DAB1: variants seen among roughly 807,000 people sequenced by gnomAD.
DAB1 encodes the protein DAB adaptor protein 1, also known as disabled homolog 1.
DAB1 carries 15 observed loss-of-function variants against 64.6 expected under a neutral mutation model. The observed-to-expected ratio is 0.23, with a 90% CI of 0.16 to 0.36. The LOEUF (loss-of-function observed/expected upper bound fraction) is 0.36. DAB1 is among the 10% of genes least tolerant of loss of function. The pLI is 1.00. For synonymous variants in DAB1, 235 were observed against 251.9 expected (o/e 0.93, Z 0.64); for missense variants, 596 against 706.7 (o/e 0.84, Z 1.78).
intron 7 of DAB1, among the ~76,000 whole-genome samples, chr1:57,435,417 T>C (rs1452017334): frequency 6.6e-6 from 1 of 152,234 alleles, no homozygotes; most frequent in Non-Finnish European, 1.5e-5. Context: ...CATAAACTTT[T>C]GAATTTTTTT....
intron 6 of DAB1, among the ~76,000 whole-genome samples, chr1:57,659,488 C>A (rs1646359279): frequency 6.6e-6 from 1 of 152,128 alleles, no homozygotes; most frequent in African/African-American, 2.4e-5. Context: ...GAGTGGTTGA[C>A]AAGCTTTGGG....
At chr1:57,492,124 A>T (rs1644173057) in intron 7 of DAB1, among the ~76,000 whole-genome samples, 1 of 152,214 alleles carries the variant, frequency 6.6e-6, no homozygotes, top group African/African-American at 2.4e-5. Context: ...CAGTTGACAA[A>T]GAAAAGACAT....
chr1:57,649,530 A>G (rs1024409240), intron 7 of DAB1: 1 of 152,098 alleles, frequency 6.6e-6, no homozygotes, highest in African/African-American at 2.4e-5. Context: ...TTTGTGGGAA[A>G]TTTTCCCAAA....
At chr1:58,409,254 A>T (rs1010113705) in intron 3 of DAB1, among the ~76,000 whole-genome samples, 1 of 152,196 alleles carries the variant, frequency 6.6e-6, no homozygotes, top group Non-Finnish European at 1.5e-5. Context: ...CATTCCAAGG[A>T]GGCATTTACT....
chr1:58,293,734 A>G (rs1158204096), intron 4 of DAB1, among the ~76,000 whole-genome samples: 1 of 152,238 alleles, frequency 6.6e-6, no homozygotes, highest in African/African-American at 2.4e-5. Flanking sequence ...GCCAACAGGC[A>G]GAAGCCATAA....
chr1:57,118,085 T>C (rs1245691861), intron 4 of DAB1, among the ~76,000 whole-genome samples: 2 of 152,196 alleles, frequency 1.3e-5, no homozygotes, highest in African/African-American at 2.4e-5. Context: ...ACAAGACATA[T>C]AGGTATAAGC....
At chr1:58,462,143 G>A (rs1330209461) in intron 3 of DAB1, among the ~76,000 whole-genome samples, 45 of 131,410 alleles carry the variant, frequency 3.4e-4, no homozygotes, top group African/African-American at 9.2e-4. Context: ...TTTTTGAGAC[G>A]GAGTCTCGCT....
At chr1:57,653,840 A>C (rs1646284811) in intron 6 of DAB1, among the ~76,000 whole-genome samples, 1 of 152,022 alleles carries the variant, frequency 6.6e-6, no homozygotes, top group Admixed American at 6.6e-5. Flanking sequence ...TCAACTCCTG[A>C]CCTCAAGTGA....
At chr1:57,524,246 G>A (rs1644564887) in intron 7 of DAB1, among the ~76,000 whole-genome samples, 1 of 152,048 alleles carries the variant, frequency 6.6e-6, no homozygotes, top group African/African-American at 2.4e-5. Flanking sequence ...TGGAACTACA[G>A]ACATAAGTTT....
intron 4 of DAB1, among the ~76,000 whole-genome samples, chr1:58,175,883 C>T (rs528248975): frequency 2.0e-5 from 3 of 152,212 alleles, no homozygotes; most frequent in Admixed American, 2.0e-4. Flanking sequence ...CCCACAGATG[C>T]GTCTATATGT....
At chr1:57,526,435 A>G (rs759261194) in intron 7 of DAB1, among the ~76,000 whole-genome samples, 1 of 152,162 alleles carries the variant, frequency 6.6e-6, no homozygotes, top group Non-Finnish European at 1.5e-5. Flanking sequence ...GGACTTTCCA[A>G]TGGAAAATTA....
At chr1:57,082,800 T>C (rs1485335865) in intron 4 of DAB1, among the ~76,000 whole-genome samples, 2 of 152,196 alleles carry the variant, frequency 1.3e-5, no homozygotes, top group African/African-American at 4.8e-5. Context: ...GTTCCTGTGT[T>C]AGTTTGCCGA....
intron 9 of DAB1, among the ~76,000 whole-genome samples, chr1:57,027,064 G>C (rs1483990968): frequency 6.6e-6 from 1 of 152,146 alleles, no homozygotes; most frequent in East Asian, 1.9e-4. Flanking sequence ...GAGTCCGACT[G>C]CCCTGCCACA....
At chr1:57,392,600 T>A (rs2101005904) in intron 1 of DAB1, among the ~76,000 whole-genome samples, 1 of 152,278 alleles carries the variant, frequency 6.6e-6, no homozygotes, top group South Asian at 2.1e-4. Flanking sequence ...AAGGGAAGAA[T>A]TAATTCTGAC....
intron 1 of DAB1, among the ~76,000 whole-genome samples, chr1:57,305,490 G>C (rs778730441): frequency 1.2e-4 from 19 of 152,206 alleles, no homozygotes; most frequent in Non-Finnish European, 2.2e-4. Flanking sequence ...CAGCTTCCCA[G>C]AGCAGGAGAA....
At chr1:58,189,174 CA>C (rs1276973125) in intron 4 of DAB1, among the ~76,000 whole-genome samples, 1 of 152,148 alleles carries the variant, frequency 6.6e-6, no homozygotes, top group Non-Finnish European at 1.5e-5. Context: ...TGGTTAATTA[CA>C]ATGTCCAAAG....
chr1:57,997,090 TA>T (rs564500068), intron 5 of DAB1, among the ~76,000 whole-genome samples: 118 of 152,052 alleles, frequency 7.8e-4, no homozygotes, highest in Non-Finnish European at 1.1e-3. Context: ...TCCCAGTACA[TA>T]AAAAAACACC....
intron 5 of DAB1, among the ~76,000 whole-genome samples, chr1:57,972,780 A>G (rs1645830324): frequency 6.6e-6 from 1 of 152,230 alleles, no homozygotes; most frequent in African/African-American, 2.4e-5. Context: ...ATATAAGGAC[A>G]TAGGAAAGGT....
chr1:58,417,460 C>T (rs939808854), intron 3 of DAB1, among the ~76,000 whole-genome samples: 1 of 152,146 alleles, frequency 6.6e-6, no homozygotes, highest in East Asian at 1.9e-4. Context: ...CACTAGCTGG[C>T]CCCACGGCCG....
Sources: gnomAD v4.1 joint callset for allele counts (sites outside exome capture counted in the v4.1 genomes callset) on GRCh38, gnomAD v4.1.1 for gene constraint, MANE v1.5 for transcripts, NCBI Gene and HGNC (gene_info 2026-07-23, HGNC 2026-07-21) for gene names.